Variants in SEC23B observed in about 807,000 individuals in gnomAD.
The protein encoded by SEC23B is SEC23 homolog B, COPII component.
SEC23B carries 77 observed loss-of-function variants against 104.3 expected under a neutral mutation model. The observed-to-expected ratio is 0.74, with a 90% CI of 0.61 to 0.89. The LOEUF (loss-of-function observed/expected upper bound fraction) is 0.89. Ranked by LOEUF, SEC23B falls within the 40% of genes least tolerant of loss-of-function variation. The probability of loss-of-function intolerance (pLI) is 0.00; values close to 1 mark genes in which losing one functional copy is unlikely to be tolerated. For missense variants in SEC23B, 885 were observed against 949.4 expected (o/e 0.93, Z 0.89); for synonymous variants, 338 against 332.5 (o/e 1.02, Z -0.18).
chr20:18,559,684 T>C (rs1159439550), intron 19 of SEC23B, among the ~76,000 whole-genome samples: 1 of 152,168 alleles, frequency 6.6e-6, no homozygotes, highest in African/African-American at 2.4e-5. Context: ...TTGTTTTGTT[T>C]TGTTTGAGTC....
At chr20:18,538,558 T>G (rs1180518000) in intron 12 of SEC23B, among the ~76,000 whole-genome samples, 2 of 152,072 alleles carry the variant, frequency 1.3e-5, no homozygotes, top group African/African-American at 4.8e-5. Flanking sequence ...TGGCCGGAAT[T>G]TCTTGAAATA....
Position 18,524,485 on chromosome 20 carries a change from A to T in SEC23B, c.419A>T (p.Glu140Val). 1 of 1,614,170 alleles carries T rather than the reference A, an allele frequency of 6.2e-7. No homozygotes were observed. Among genetic ancestry groups the T allele is most frequent in the Admixed American group, 1.7e-5 (1 of 60,022 alleles). Reference protein sequence around the residue: ...IFLYVVDTCLEEDDLQALKES... With the variant: ...IFLYVVDTCLVEDDLQALKES... ...CTCTATGTGGTTGACACATGCCTGG[A>T]GGAAGATGACCTTCAAGCACTCAAA... The change falls in exon 5 of 20, where the codon GAG becomes GTG. Residue 140 changes from glutamate (E) to valine (V), a missense_variant. By Grantham distance (121) the Glu-to-Val change is moderately radical. Transcript: ENST00000650089.
At chr20:18,525,674 G>A in intron 6 of SEC23B, 114 bp from the exon 7 acceptor site, 1 of 1,133,382 alleles carries the variant, frequency 8.8e-7, no homozygotes, top group Admixed American at 1.9e-5. Context: ...AAAATTACCA[G>A]TCAGTTACTA....
intron 15 of SEC23B, among the ~76,000 whole-genome samples, chr20:18,547,712 G>A (rs2060345954): frequency 2.0e-5 from 3 of 151,972 alleles, no homozygotes; most frequent in Non-Finnish European, 4.4e-5. Context: ...GCTCTAGGAA[G>A]TCTCCTCCTG....
chr20:18,554,309 A>G lies in SEC23B; in HGVS notation c.2067A>G (p.Ala689=). The change falls in exon 18 of 20, where the codon GCA becomes GCG. Residue 689 remains alanine, a synonymous_variant. Coordinates refer to ENST00000650089, the MANE Select transcript of SEC23B (RefSeq NM_006363.6). ...EYENFKHLLQ[A]PLDDAQEILQ... ...AAAACTTCAAGCACCTTCTGCAGGC[A>G]CCACTGGATGATGCTCAAGAAATTC... The G allele has an allele frequency of 6.2e-7, 1 of 1,614,122 alleles. No homozygotes were observed. The highest frequency in any genetic ancestry group is 8.5e-7 in the Non-Finnish European group (1 of 1,180,028).
At chr20:18,530,250 TATTA>T (rs2060171316) in intron 9 of SEC23B, among the ~76,000 whole-genome samples, 2 of 151,942 alleles carry the variant, frequency 1.3e-5, no homozygotes, top group South Asian at 4.1e-4. Context: ...TTTACTTATT[TATTA>T]ATTTTTTTTT....
At chr20:18,527,866 T>G (rs908988030) in intron 9 of SEC23B, among the ~76,000 whole-genome samples, 8 of 152,214 alleles carry the variant, frequency 5.3e-5, no homozygotes, top group African/African-American at 1.9e-4. Context: ...GTTAACACTT[T>G]TACAGAGACC....
chr20:18,517,688 C>G (rs951130425), intron 4 of SEC23B, among the ~76,000 whole-genome samples: 1 of 152,030 alleles, frequency 6.6e-6, no homozygotes, highest in Admixed American at 6.6e-5. Flanking sequence ...TTAGGGGCAG[C>G]GTGGGAACCT....
intron 13 of SEC23B, among the ~76,000 whole-genome samples, chr20:18,542,732 T>C (rs890586738): frequency 6.6e-6 from 1 of 152,158 alleles, no homozygotes; most frequent in Non-Finnish European, 1.5e-5. Context: ...CCTCCCATGC[T>C]CAAGTGATCC....
Position 18,560,108 on chromosome 20 carries a change from G to GTGTGTA in SEC23B, c.2215-542_2215-541insGTGTAT, listed in dbSNP as rs778891295. On this transcript the variant is annotated intron_variant, in intron 19 of 19. Transcript: ENST00000650089. Reference sequence around the variant, plus strand: ...GTAAAGTGTATTATTGTGTGTGTGTGTATATATATATATATTTTTAATTTC... The same window carrying GTGTGTA: ...GTAAAGTGTATTATTGTGTGTGTGTGTGTGTATATATATATATATATTTTTAATTTC... 2.9e-3 allele frequency among the ~76,000 whole-genome samples: 442 copies of GTGTGTA among 150,970 alleles called. 3 individuals carry two copies. Among genetic ancestry groups the GTGTGTA allele is most frequent in the African/African-American group, 0.01 (427 of 40,960 alleles).
intron 4 of SEC23B, among the ~76,000 whole-genome samples, chr20:18,518,139 C>T (rs1487998663): frequency 6.6e-6 from 1 of 152,098 alleles, no homozygotes; most frequent in Non-Finnish European, 1.5e-5. Flanking sequence ...GGTGATTTGA[C>T]TAATAAAGGC....
chr20:18,553,732 G>A (rs2060409412), intron 17 of SEC23B, among the ~76,000 whole-genome samples: 2 of 152,126 alleles, frequency 1.3e-5, no homozygotes, highest in African/African-American at 4.8e-5. Context: ...CCCAATTCAG[G>A]GCCCAGGGGG....
At chr20:18,546,099 T>C (rs1234306243) in intron 15 of SEC23B, 66 bp downstream of exon 15, 1 of 970,360 alleles carries the variant, frequency 1.0e-6, no homozygotes, top group Non-Finnish European at 1.7e-6. Context: ...AACTTTATTC[T>C]TAGGGTAAAG....
chr20:18,508,716 C>CTTTTTTTT lies in SEC23B; in HGVS notation c.-15+758_-15+765dup, dbSNP rs398035473. ...AACCATTAGATGGAGGCAGTAGCTT[C>CTTTTTTTT]TTTTTTTTTTTTTTTTTTTTTGAGA... On this transcript the variant is annotated intron_variant, in intron 1 of 19. Transcript: ENST00000650089. Among the ~76,000 whole-genome samples the CTTTTTTTT allele has an allele frequency of 3.2e-3, 310 of 97,420 alleles. 10 individuals are homozygous for CTTTTTTTT. Among genetic ancestry groups the CTTTTTTTT allele is most frequent in the Non-Finnish European group, 4.2e-3 (220 of 52,578 alleles). The allele number at this position is 97,420 out of a possible 152,430, so 63.9% of individuals were successfully genotyped here.
intron 2 of SEC23B, among the ~76,000 whole-genome samples, chr20:18,511,824 G>A (rs1486724389): frequency 6.6e-6 from 1 of 152,198 alleles, no homozygotes; most frequent in Admixed American, 6.6e-5. Context: ...TTTCCTGTGT[G>A]TGAAATATGC....
chr20:18,518,800 C>T (rs970821298), intron 4 of SEC23B, among the ~76,000 whole-genome samples: 3 of 151,734 alleles, frequency 2.0e-5, no homozygotes, highest in Non-Finnish European at 4.4e-5. Flanking sequence ...TTTTGGTGGC[C>T]CTTGCAGTGT....
chr20:18,551,187 T>C lies in SEC23B; in HGVS notation c.1992+12T>C, dbSNP rs780986610. 29 of 1,380,184 alleles carry C rather than the reference T, an allele frequency of 2.1e-5. No individual in the cohort carries two copies. The highest frequency in any genetic ancestry group is 2.7e-5 in the Non-Finnish European group (26 of 977,706). The allele number at this position is 1,380,184 out of a possible 1,614,324, so 85.5% of individuals were successfully genotyped here. A position where few individuals can be genotyped will look rare whatever the true frequency, so the allele number is the denominator to read the frequency against. On this transcript the variant is annotated intron_variant, in intron 17 of 19. Coordinates refer to ENST00000650089, the MANE Select transcript of SEC23B (RefSeq NM_006363.6). ...TTTATCTTGGTGAGGTAAGATGATATTATTAATTAATTAATTTCTTTTTGT... is the reference window on the plus strand; with the variant it reads ...TTTATCTTGGTGAGGTAAGATGATACTATTAATTAATTAATTTCTTTTTGT...
In SEC23B at chr20:18,542,989, T is replaced by C. The variant is rs2122125679; in HGVS notation, c.1512-30T>C. On this transcript the variant is annotated intron_variant, in intron 13 of 19. Transcript: ENST00000650089. ...CTGGCTTTCTGATCTCTCCTAAACATAAGCATGGCACTAACTCTGGAATTG... is the reference window on the plus strand; with the variant it reads ...CTGGCTTTCTGATCTCTCCTAAACACAAGCATGGCACTAACTCTGGAATTG... The C allele has an allele frequency of 1.9e-6, 3 of 1,613,952 alleles. No individual in the cohort carries two copies. The Middle Eastern group carries it at 4.9e-4, about 266-fold the overall frequency.
chr20:18,531,429 G>A (rs1408928654), intron 10 of SEC23B, among the ~76,000 whole-genome samples: 3 of 151,982 alleles, frequency 2.0e-5, no homozygotes, highest in Non-Finnish European at 4.4e-5. Flanking sequence ...GGCCGAGGTG[G>A]GCGGATCACC....
Sources: allele counts gnomAD v4.1 joint callset (sites outside exome capture counted in the v4.1 genomes callset), GRCh38; gene constraint gnomAD v4.1.1; transcripts MANE v1.5; gene names NCBI Gene and HGNC (gene_info 2026-07-23, HGNC 2026-07-21).